Variants in QKI observed in about 807,000 individuals in gnomAD.
The protein encoded by QKI is KH domain-containing RNA-binding protein QKI.
QKI carries 10 observed loss-of-function variants against 39.0 expected under a neutral mutation model. The observed-to-expected ratio is 0.26, with a 90% CI of 0.16 to 0.43. The LOEUF (loss-of-function observed/expected upper bound fraction) is 0.43, where lower values mean the gene tolerates loss of function less well. Ranked by LOEUF, QKI falls within the 20% of genes least tolerant of loss-of-function variation. The pLI is 1.00. For missense variants in QKI, 218 were observed against 428.0 expected, an observed-to-expected ratio of 0.51 and a Z score of 4.33; for synonymous variants, 204 against 155.4, an observed-to-expected ratio of 1.31 and a Z score of -2.33.
chr6:163,570,831 T>A lies in QKI; in HGVS notation c.*121T>A, dbSNP rs1783663333. The A allele has an allele frequency of 1.5e-6, 2 of 1,330,212 alleles. No homozygotes were observed. Among genetic ancestry groups the A allele is most frequent in the South Asian group, 1.5e-5 (1 of 64,614 alleles). 82.4% of individuals were successfully genotyped at this position (1,330,212 alleles called of 1,614,324 possible). ...TCGTCAGTGCAGCGAGCTGAGGCAC[T>A]TGTCCGTTCGTCTTACCATCTAACC... On this transcript the variant is annotated 3_prime_UTR_variant, in exon 8 of 8. Transcript: ENST00000361752.
intron 3 of QKI, 160 bp from the exon 4 acceptor site, chr6:163,534,822 T>C: frequency 1.8e-6 from 1 of 550,288 alleles, no homozygotes; most frequent in Non-Finnish European, 3.1e-6. Flanking sequence ...TCACATTCAA[T>C]CAAACTTTGA....
chr6:163,538,548 G>A (rs1038896195), intron 4 of QKI, among the ~76,000 whole-genome samples: 1 of 152,178 alleles, frequency 6.6e-6, no homozygotes, highest in Non-Finnish European at 1.5e-5. Context: ...TCCAAGGCCT[G>A]TAGGCATGGG....
rs1277080938 is a variant in QKI at position 163,478,863 on chromosome 6, C to T, written c.369C>T (p.Val123=). 2 of 1,612,442 alleles carry T rather than the reference C, an allele frequency of 1.2e-6. No individual in the cohort carries two copies. Among genetic ancestry groups the T allele is most frequent in the African/African-American group, 2.7e-5 (2 of 74,706 alleles). The change falls in exon 3 of 8, where the codon GTC becomes GTT. Residue 123 remains valine, a synonymous_variant. Coordinates refer to ENST00000361752, the MANE Select transcript of QKI (RefSeq NM_006775.3). ...CAGAAACCGGATGTAAAATCATGGT[C>T]CGAGGCAAAGGCTCAATGAGGGATA... The part of the protein sequence containing the change: ...LEAETGCKIM[V]RGKGSMRDKK...
At chr6:163,424,641 ATTTTTTTTTT>A (rs113916256) in intron 1 of QKI, among the ~76,000 whole-genome samples, 3 of 144,814 alleles carry the variant, frequency 2.1e-5, no homozygotes, top group African/African-American at 7.6e-5. Flanking sequence ...TTGGTTTTTA[ATTTTTTTTTT>A]TTTTTTAATT....
rs576118056 is a variant in QKI, at chr6:163,572,579, G to A, written c.*1869G>A. On this transcript the variant is annotated 3_prime_UTR_variant, in exon 8 of 8. Transcript: ENST00000361752. The stretch of plus-strand genomic sequence containing the variant: ...TGAAACAGTTAGTTATGTAGTTGAA[G>A]CAATTTGTGTGCAAAGCCTACATCT... The A allele has an allele frequency of 6.8e-6, 1 of 147,284 alleles. No homozygotes were observed. The highest frequency in any genetic ancestry group is 2.5e-5 in the African/African-American group (1 of 40,014). The allele number at this position is 147,284 out of a possible 1,614,324, so 9.1% of individuals were successfully genotyped here.
At chr6:163,434,254 C>T (rs1176789328) in intron 1 of QKI, among the ~76,000 whole-genome samples, 2 of 152,110 alleles carry the variant, frequency 1.3e-5, no homozygotes, top group African/African-American at 4.8e-5. Flanking sequence ...ACATCATTTC[C>T]TAGCAGGAAG....
At chr6:163,429,754 A>G (rs1476758235) in intron 1 of QKI, among the ~76,000 whole-genome samples, 2 of 152,166 alleles carry the variant, frequency 1.3e-5, no homozygotes, top group Admixed American at 6.6e-5. Flanking sequence ...TATTTCATGT[A>G]TTAGTTTTTA....
chr6:163,546,715 TATTAAG>T (rs1192203660), intron 4 of QKI, among the ~76,000 whole-genome samples: 1 of 152,074 alleles, frequency 6.6e-6, no homozygotes, highest in East Asian at 1.9e-4. Context: ...AGCATTTTAG[TATTAAG>T]ATTATTTCAG....
intron 4 of QKI, among the ~76,000 whole-genome samples, chr6:163,549,207 AG>A (rs201282075): frequency 6.4e-4 from 97 of 151,054 alleles, no homozygotes; most frequent in Non-Finnish European, 1.2e-3. Flanking sequence ...AGAGAGGTTG[AG>A]GGGGGGGACA....
intron 7 of QKI, chr6:163,570,317 A>T: frequency 1.0e-6 from 1 of 982,168 alleles, no homozygotes; most frequent in Non-Finnish European, 1.2e-6. Flanking sequence ...GATACTGATA[A>T]CTGCACTGAC....
intron 3 of QKI, among the ~76,000 whole-genome samples, chr6:163,510,533 C>T (rs950804919): frequency 1.6e-4 from 24 of 152,062 alleles, no homozygotes; most frequent in Non-Finnish European, 2.9e-4. Flanking sequence ...TGCACTCCAG[C>T]CTGGGTGACA....
At chr6:163,467,276 A>T (rs1418009682) in intron 2 of QKI, among the ~76,000 whole-genome samples, 1 of 152,202 alleles carries the variant, frequency 6.6e-6, no homozygotes, top group Non-Finnish European at 1.5e-5. Context: ...TTAAATCATC[A>T]CAAGTTAAAC....
intron 3 of QKI, among the ~76,000 whole-genome samples, chr6:163,529,942 A>T (rs781776112): frequency 2.6e-5 from 4 of 152,184 alleles, no homozygotes; most frequent in Non-Finnish European, 2.9e-5. Flanking sequence ...TGCTTTAGAG[A>T]TTGAAGTATA....
rs192742467 is a variant in QKI, at chr6:163,438,909, A to G, written c.143-16370A>G. Among the ~76,000 whole-genome samples, 316 of 152,350 alleles carry G rather than the reference A, an allele frequency of 2.1e-3. 1 individual carries two copies. The highest frequency in any genetic ancestry group is 3.6e-3 in the Admixed American group (55 of 15,300). On this transcript the variant is annotated intron_variant, in intron 1 of 7. Transcript: ENST00000361752. ...TAAATTTTTTAAACCTTTGACTACA[A>G]TTACAGTTTAAAATACAAATACATT... is the stretch of plus-strand genomic sequence containing the variant.
chr6:163,416,234 A>G (rs1016118361), intron 1 of QKI: 2 of 332,696 alleles, frequency 6.0e-6, no homozygotes, highest in Non-Finnish European at 5.9e-6. Context: ...AAAAAGCTGT[A>G]TGGAGCGCTG....
intron 1 of QKI, among the ~76,000 whole-genome samples, chr6:163,417,531 C>G (rs547099269): frequency 4.6e-5 from 7 of 152,272 alleles, no homozygotes; most frequent in African/African-American, 1.4e-4. Flanking sequence ...TCCTTGTTAT[C>G]AAGTTTCCAA....
intron 2 of QKI, among the ~76,000 whole-genome samples, chr6:163,466,863 C>G (rs1791798989): frequency 6.6e-6 from 1 of 151,826 alleles, no homozygotes; most frequent in Non-Finnish European, 1.5e-5. Flanking sequence ...GCAACAAAAG[C>G]AAAAATAAAC....
chr6:163,555,357 A>G (rs1782518388), intron 4 of QKI, among the ~76,000 whole-genome samples: 1 of 152,126 alleles, frequency 6.6e-6, no homozygotes, highest in Non-Finnish European at 1.5e-5. Flanking sequence ...AAAAATAAGC[A>G]GCATGAATTT....
intron 4 of QKI, among the ~76,000 whole-genome samples, chr6:163,544,394 G>A (rs759474411): frequency 9.2e-5 from 14 of 151,958 alleles, no homozygotes; most frequent in African/African-American, 2.9e-4. Flanking sequence ...CCAGTTCCCC[G>A]CAGATAATGA....
Sources: allele counts gnomAD v4.1 joint callset (sites outside exome capture counted in the v4.1 genomes callset), GRCh38; gene constraint gnomAD v4.1.1; transcripts MANE v1.5; gene names NCBI Gene and HGNC (gene_info 2026-07-23, HGNC 2026-07-21).